Variants in MSH4 observed in about 807,000 individuals in gnomAD.
The protein encoded by MSH4 is mutS homolog 4.
In MSH4, 106 loss-of-function variants were observed where a neutral mutation model predicts 113.7. The ratio of observed to expected loss-of-function variants is 0.93; its 90% CI spans 0.80 to 1.10. The LOEUF is 1.10. Ranked by LOEUF, MSH4 falls within the 50% of genes least tolerant of loss-of-function variation. The pLI is 0.00. For synonymous variants in MSH4, 368 were observed against 380.2 expected (o/e 0.97, Z 0.37); for missense variants, 1,061 against 1,093.7 (o/e 0.97, Z 0.42).
At chr1:75,885,952 ATGATG>A (rs1393638594) in intron 15 of MSH4, among the ~76,000 whole-genome samples, 2 of 117,648 alleles carry the variant, frequency 1.7e-5, no homozygotes, top group Non-Finnish European at 3.3e-5. Flanking sequence ...TATAATATAT[ATGATG>A]TATTATATAG....
At chr1:75,841,003 G>A (rs539393658) in intron 7 of MSH4, among the ~76,000 whole-genome samples, 1 of 152,258 alleles carries the variant, frequency 6.6e-6, no homozygotes, top group East Asian at 1.9e-4. Flanking sequence ...TTAGCAACAG[G>A]AGAATCCTAG....
chr1:75,888,155 T>C (rs1266835511), intron 15 of MSH4, among the ~76,000 whole-genome samples: 2 of 151,580 alleles, frequency 1.3e-5, no homozygotes, highest in Admixed American at 6.6e-5. Flanking sequence ...TGCTACTCCT[T>C]ATTCCTCAGA....
At chr1:75,821,870 A>G (rs1650421978) in intron 6 of MSH4, among the ~76,000 whole-genome samples, 1 of 152,074 alleles carries the variant, frequency 6.6e-6, no homozygotes, top group East Asian at 1.9e-4. Flanking sequence ...GGCCTCCCAG[A>G]GTGTTGTTGA....
chr1:75,842,686 C>T (rs1650986400), intron 7 of MSH4, among the ~76,000 whole-genome samples: 1 of 152,188 alleles, frequency 6.6e-6, no homozygotes, highest in African/African-American at 2.4e-5. Context: ...GACAGGGCCA[C>T]CAGAGGGCTC....
At chr1:75,846,130 G>A (rs1248016437) in intron 7 of MSH4, among the ~76,000 whole-genome samples, 2 of 116,638 alleles carry the variant, frequency 1.7e-5, no homozygotes, top group Non-Finnish European at 3.5e-5. Context: ...CAAATGCTGA[G>A]GTCTCACAAG....
At chr1:75,895,797 T>C (rs1277122751) in intron 17 of MSH4, among the ~76,000 whole-genome samples, 1 of 152,130 alleles carries the variant, frequency 6.6e-6, no homozygotes, top group Non-Finnish European at 1.5e-5. Context: ...CTTTCTCAGT[T>C]GTGCTGAAGA....
chr1:75,888,975 G>A (rs1003172941), intron 15 of MSH4, among the ~76,000 whole-genome samples: 9 of 149,812 alleles, frequency 6.0e-5, no homozygotes, highest in African/African-American at 2.0e-4. Flanking sequence ...GCTCACTGCA[G>A]GCTCCGCCTC....
intron 17 of MSH4, among the ~76,000 whole-genome samples, chr1:75,893,889 G>A (rs1206860927): frequency 6.6e-6 from 1 of 151,988 alleles, no homozygotes; most frequent in Non-Finnish European, 1.5e-5. Context: ...CTAACAGTTT[G>A]ATTGACTGGC....
At chr1:75,909,273 A>G (rs1268644659) in intron 19 of MSH4, among the ~76,000 whole-genome samples, 2 of 152,150 alleles carry the variant, frequency 1.3e-5, no homozygotes, top group Non-Finnish European at 2.9e-5. Flanking sequence ...CATTGCAGAT[A>G]GAGAACTTTC....
Position 75,878,135 on chromosome 1 carries a change from G to T in MSH4, c.1371-14G>T. The T allele has an allele frequency of 6.6e-7, 1 of 1,523,628 alleles. No homozygotes were observed. The highest frequency in any genetic ancestry group is 1.3e-5 in the South Asian group (1 of 79,746). 94.4% of individuals were successfully genotyped at this position (1,523,628 alleles called of 1,614,324 possible). A position where few individuals can be genotyped will look rare whatever the true frequency, so the allele number is the denominator to read the frequency against. On this transcript the variant is annotated splice_polypyrimidine_tract_variant and intron_variant, in intron 10 of 19. Coordinates refer to ENST00000263187, the MANE Select transcript of MSH4 (RefSeq NM_002440.4). ...TTATTGCCTATAATGTTTTTCTTTT[G>T]GCCTTAATATTAGGTTTGGAATCAT... is the stretch of plus-strand genomic sequence containing the variant.
chr1:75,881,064 C>G (rs1406741460), intron 13 of MSH4, among the ~76,000 whole-genome samples, 182 bp from the exon 14 acceptor site: 1 of 151,928 alleles, frequency 6.6e-6, no homozygotes, highest in Non-Finnish European at 1.5e-5. Flanking sequence ...TGATCTTGAG[C>G]AAAAACTTCA....
chr1:75,871,329 G>T (rs74089615), intron 9 of MSH4, among the ~76,000 whole-genome samples: 1,974 of 152,288 alleles, frequency 0.013, 44 homozygotes, highest in African/African-American at 0.045. Context: ...TATAATTTAT[G>T]ATGAGATTTG....
chr1:75,851,283 AT>A (rs1651181785), intron 8 of MSH4, among the ~76,000 whole-genome samples: 1 of 132,180 alleles, frequency 7.6e-6, no homozygotes, highest in Admixed American at 7.5e-5. Context: ...CTTCTTTTGT[AT>A]TTTTTTATGA....
intron 19 of MSH4, among the ~76,000 whole-genome samples, chr1:75,905,777 T>C (rs940742102): frequency 1.3e-5 from 2 of 152,168 alleles, no homozygotes; most frequent in Admixed American, 6.6e-5. Context: ...TCTTGCTGAA[T>C]TGACCCCTTT....
intron 9 of MSH4, among the ~76,000 whole-genome samples, chr1:75,873,763 T>TATATAA (rs1553137219): frequency 6.6e-6 from 1 of 152,132 alleles, no homozygotes; most frequent in African/African-American, 2.4e-5. Flanking sequence ...TATATATATA[T>TATATAA]AACTGCATAG....
chr1:75,901,192 T>C (rs1586936), intron 19 of MSH4, among the ~76,000 whole-genome samples: 19,894 of 152,170 alleles, frequency 0.13, 1,511 homozygotes, highest in East Asian at 0.27. Context: ...CTTCTAGCTA[T>C]TTTGAACTAT....
intron 7 of MSH4, among the ~76,000 whole-genome samples, chr1:75,829,643 G>A (rs184710566): frequency 2.0e-3 from 305 of 152,298 alleles, no homozygotes; most frequent in African/African-American, 6.8e-3. Flanking sequence ...TTGCTGTTCC[G>A]CAGCCTCTGC....
At chr1:75,875,934 T>C (rs2029682) in intron 9 of MSH4, among the ~76,000 whole-genome samples, 42,994 of 152,026 alleles carry the variant, frequency 0.28, 6,363 homozygotes, top group Middle Eastern at 0.37. Context: ...GTGCCTGAAA[T>C]AGTGACACCT....
chr1:75,903,760 A>G (rs1015884192), intron 19 of MSH4, among the ~76,000 whole-genome samples: 2 of 151,744 alleles, frequency 1.3e-5, no homozygotes, highest in Non-Finnish European at 1.5e-5. Flanking sequence ...ACTGATTTTT[A>G]TATTTTTGGT....
Sources: allele counts gnomAD v4.1 joint callset (sites outside exome capture counted in the v4.1 genomes callset), GRCh38; gene constraint gnomAD v4.1.1; transcripts MANE v1.5; gene names NCBI Gene and HGNC (gene_info 2026-07-23, HGNC 2026-07-21).